The following LRBA variants were observed in gnomAD, a reference collection of about 807,000 sequenced individuals.
LRBA encodes LPS responsive beige-like anchor protein.
A neutral mutation model predicts 330.0 loss-of-function variants in LRBA; 176 were observed. The ratio of observed to expected loss-of-function variants is 0.53; its 90% CI spans 0.47 to 0.60. LRBA has a LOEUF of 0.60. LRBA is among the 20% of genes least tolerant of loss of function. LRBA has a pLI of 0.00. For missense variants in LRBA, 3,259 were observed against 3,444.8 expected (o/e 0.95, Z 1.35); for synonymous variants, 1,230 against 1,193.0 (o/e 1.03, Z -0.64).
intron 44 of LRBA, among the ~76,000 whole-genome samples, chr4:150,442,807 G>A (rs1160967086): frequency 6.6e-6 from 1 of 152,062 alleles, no homozygotes; most frequent in Non-Finnish European, 1.5e-5. Flanking sequence ...AACATATTAA[G>A]TAAAAAATTT....
intron 2 of LRBA, among the ~76,000 whole-genome samples, chr4:150,976,175 G>GAGA (rs1740147113): frequency 1.1e-5 from 1 of 88,732 alleles, no homozygotes; most frequent in Admixed American, 1.3e-4. Context: ...ACTCCGTCTT[G>GAGA]AAAAAAAAAA....
intron 22 of LRBA, among the ~76,000 whole-genome samples, chr4:150,863,272 G>C (rs1358673505): frequency 6.6e-6 from 1 of 152,122 alleles, no homozygotes; most frequent in Non-Finnish European, 1.5e-5. Flanking sequence ...CACTTCACCT[G>C]TCTCAAAAAA....
chr4:150,693,282 G>C (rs142071734), intron 36 of LRBA, among the ~76,000 whole-genome samples: 2 of 151,990 alleles, frequency 1.3e-5, no homozygotes, highest in Non-Finnish European at 2.9e-5. Context: ...ATTGGGCAAG[G>C]GCCGGGCGCG....
intron 47 of LRBA, among the ~76,000 whole-genome samples, chr4:150,377,233 T>C (rs1429362459): frequency 1.3e-5 from 2 of 151,902 alleles, no homozygotes; most frequent in African/African-American, 2.4e-5. Context: ...CTGTCCCTTA[T>C]ATAGATTTAG....
intron 2 of LRBA, among the ~76,000 whole-genome samples, chr4:150,996,181 G>A (rs1014458425): frequency 1.5e-4 from 23 of 151,680 alleles, no homozygotes; most frequent in African/African-American, 4.8e-4. Context: ...AAAATTTCAC[G>A]GTTCAAGTGA....
intron 2 of LRBA, among the ~76,000 whole-genome samples, chr4:150,971,338 T>G (rs886406578): frequency 6.6e-6 from 1 of 152,172 alleles, no homozygotes; most frequent in African/African-American, 2.4e-5. Flanking sequence ...ATCAGACACA[T>G]ACTGTCACAT....
chr4:150,555,547 G>A (rs568190214), intron 40 of LRBA, among the ~76,000 whole-genome samples: 10 of 151,970 alleles, frequency 6.6e-5, no homozygotes, highest in African/African-American at 1.7e-4. Flanking sequence ...TCAAGAGATC[G>A]AGACCATCCT....
At chr4:150,393,506 G>GCA (rs1268374921) in intron 47 of LRBA, among the ~76,000 whole-genome samples, 1 of 139,000 alleles carries the variant, frequency 7.2e-6, no homozygotes, top group African/African-American at 2.6e-5. Flanking sequence ...TTTTATTAGA[G>GCA]ACAGGGTCTC....
chr4:150,891,523 G>A (rs1176350499), intron 17 of LRBA, among the ~76,000 whole-genome samples: 2 of 152,088 alleles, frequency 1.3e-5, no homozygotes, highest in Non-Finnish European at 2.9e-5. Context: ...CCAGCTGAAA[G>A]CCTAACAGAA....
chr4:150,967,591 G>C (rs973194899), intron 2 of LRBA, among the ~76,000 whole-genome samples: 2 of 152,172 alleles, frequency 1.3e-5, no homozygotes, highest in African/African-American at 4.8e-5. Context: ...GTTCTTTGCA[G>C]ATACAGCATT....
intron 40 of LRBA, among the ~76,000 whole-genome samples, chr4:150,586,775 T>C (rs1772167143): frequency 6.6e-6 from 1 of 152,174 alleles, no homozygotes; most frequent in Non-Finnish European, 1.5e-5. Flanking sequence ...TTAGACACTT[T>C]TAAATTAAAT....
At chr4:150,787,306 T>G (rs1578781027) in intron 34 of LRBA, among the ~76,000 whole-genome samples, 1 of 152,196 alleles carries the variant, frequency 6.6e-6, no homozygotes, top group Non-Finnish European at 1.5e-5. Context: ...TAGTTTTACA[T>G]GCACTGCCTA....
chr4:150,821,297 C>A (rs929469842), intron 30 of LRBA, among the ~76,000 whole-genome samples: 1 of 150,100 alleles, frequency 6.7e-6, no homozygotes, highest in Non-Finnish European at 1.5e-5. Context: ...TCATTTTTTT[C>A]TTTATGAACT....
chr4:150,938,161 G>A (rs1735287478), intron 2 of LRBA, among the ~76,000 whole-genome samples: 1 of 151,182 alleles, frequency 6.6e-6, no homozygotes, highest in Non-Finnish European at 1.5e-5. Context: ...ATTATGACAG[G>A]TGTAGTTAAC....
intron 40 of LRBA, chr4:150,580,480 T>A (rs951074131): frequency 2.2e-4 from 33 of 152,128 alleles, no homozygotes; most frequent in Admixed American, 1.6e-3. Flanking sequence ...CCGGCCGGAC[T>A]TTAAGAGGGT....
chr4:150,467,867 A>C, intron 43 of LRBA, 82 bp from the exon 44 acceptor site: 1 of 607,546 alleles, frequency 1.6e-6, no homozygotes, highest in Non-Finnish European at 2.8e-6. Flanking sequence ...ACTAAAAATA[A>C]GATTAAACAA....
At chr4:150,513,454 C>CT (rs1391068938) in intron 40 of LRBA, among the ~76,000 whole-genome samples, 2 of 152,170 alleles carry the variant, frequency 1.3e-5, no homozygotes, top group Non-Finnish European at 2.9e-5. Context: ...TGTAAACTCA[C>CT]TGGGAACACA....
intron 38 of LRBA, among the ~76,000 whole-genome samples, chr4:150,592,144 GTTTTTT>G (rs10685627): frequency 5.8e-4 from 38 of 65,190 alleles, no homozygotes; most frequent in African/African-American, 1.8e-3. Flanking sequence ...GATGGCTAGG[GTTTTTT>G]TTTTTTTTTT....
rs565244551 is a variant in LRBA at position 150,342,167 on chromosome 4, G to A, written c.7362+7825C>T. 5.9e-5 allele frequency among the ~76,000 whole-genome samples: 9 copies of A among 151,750 alleles called. No homozygotes were observed. In the East Asian group the frequency reaches 1.2e-3, roughly 20 times the overall value. ...AATTTCTTCTTTCCTTGGGTTTTAC[G>A]TTTTTCAAAAATGGGGTTAGAAAGG... On this transcript the variant is annotated intron_variant, in intron 48 of 56. Transcript: ENST00000651943.
Sources: allele counts gnomAD v4.1 joint callset (sites outside exome capture counted in the v4.1 genomes callset), GRCh38; gene constraint gnomAD v4.1.1; transcripts MANE v1.5; gene names NCBI Gene and HGNC (gene_info 2026-07-23, HGNC 2026-07-21).